The following IKBKB variants were observed in gnomAD, a reference collection of about 807,000 sequenced individuals.
IKBKB encodes the protein inhibitor of nuclear factor kappa-B kinase subunit beta.
Under a neutral mutation model 113.6 loss-of-function variants are expected in IKBKB, and 42 were observed. The ratio of observed to expected loss-of-function variants is 0.37; its 90% confidence interval spans 0.29 to 0.48. IKBKB has a LOEUF of 0.48. Ranked by LOEUF, IKBKB falls within the 20% of genes least tolerant of loss-of-function variation. The pLI, the probability that IKBKB is intolerant of heterozygous loss-of-function variation, is 0.99. For missense variants in IKBKB, 673 were observed against 939.7 expected, an observed-to-expected ratio of 0.72 and a Z score of 3.71; for synonymous variants, 296 against 361.3, an observed-to-expected ratio of 0.82 and a Z score of 2.05.
rs1229065184 is a variant in IKBKB, at chr8:42,305,269, A to G, written c.471A>G (p.Glu157=). ...KPENIVLQQG[E]QRLIHKIIDL... ...AAAACATCGTCCTGCAGCAAGGAGA[A>G]CAGAGGGTAAGTGACCTCCTGGGAC... is the stretch of plus-strand genomic sequence containing the variant. The change falls in exon 6 of 22, where the codon GAA becomes GAG. Residue 157 remains glutamate, a synonymous_variant. Transcript: ENST00000520810. 6.2e-7 allele frequency: 1 copy of G among 1,609,996 alleles called. No individual in the cohort carries two copies. The highest frequency in any genetic ancestry group is 8.5e-7 in the Non-Finnish European group (1 of 1,176,498).
intron 4 of IKBKB, among the ~76,000 whole-genome samples, chr8:42,292,734 G>C (rs1489345772): frequency 1.3e-5 from 2 of 152,290 alleles, no homozygotes; most frequent in African/African-American, 4.8e-5. Flanking sequence ...TGACAGTCGA[G>C]GGGGCCAGGA....
intron 4 of IKBKB, among the ~76,000 whole-genome samples, chr8:42,291,514 C>T (rs994916554): frequency 3.9e-5 from 6 of 152,182 alleles, no homozygotes; most frequent in Non-Finnish European, 7.3e-5. Context: ...AAAAAGAGGT[C>T]GGTTGCTCTG....
At chr8:42,288,550 C>A in intron 2 of IKBKB, 84 bp from the exon 3 acceptor site, 2 of 1,012,912 alleles carry the variant, frequency 2.0e-6, no homozygotes, top group Non-Finnish European at 1.5e-6. Flanking sequence ...ACGCTTGGGG[C>A]CTGGAGACCC....
Position 42,329,355 on chromosome 8 carries a change from C to T in IKBKB, c.2205+141C>T, listed in dbSNP as rs1475446085. ...CTTGTTTATTTGTGACAGGGTCTCT[C>T]TCTCTCACCCAGGCTGGAGTGCAGT... On this transcript the variant is annotated intron_variant, in intron 21 of 21. Coordinates refer to ENST00000520810, the MANE Select transcript of IKBKB (RefSeq NM_001556.3). 20 of 1,274,478 alleles carry T rather than the reference C, an allele frequency of 1.6e-5. No homozygotes were observed. The East Asian group carries it at 4.8e-4, about 31-fold the overall frequency. 78.9% of individuals were successfully genotyped at this position (1,274,478 alleles called of 1,614,324 possible).
chr8:42,314,106 ACCCTGG>A (rs1365920918), intron 8 of IKBKB: 1 of 548,460 alleles, frequency 1.8e-6, no homozygotes, highest in African/African-American at 1.9e-5. Context: ...CCATTGTGTT[ACCCTGG>A]CCTACAGTAT....
chr8:42,313,127 T>C (rs1563347237), intron 8 of IKBKB, among the ~76,000 whole-genome samples: 1 of 152,210 alleles, frequency 6.6e-6, no homozygotes, highest in Non-Finnish European at 1.5e-5. Flanking sequence ...ACTCTTCTTA[T>C]TACCAAGATT....
intron 12 of IKBKB, 135 bp downstream of exon 12, chr8:42,317,906 C>A (rs1818995015): frequency 1.5e-6 from 1 of 678,132 alleles, no homozygotes; most frequent in East Asian, 2.7e-5. Flanking sequence ...GGGCAGCCTT[C>A]CTTATTTAGG....
intron 1 of IKBKB, 42 bp from the exon 2 acceptor site, chr8:42,272,041 T>G: frequency 6.4e-7 from 1 of 1,570,916 alleles, no homozygotes; most frequent in African/African-American, 1.4e-5. Context: ...TCCATTTTTT[T>G]CTTAATCCTA....
At chr8:42,280,433 G>T (rs1178618350) in intron 2 of IKBKB, among the ~76,000 whole-genome samples, 1 of 152,156 alleles carries the variant, frequency 6.6e-6, no homozygotes, top group African/African-American at 2.4e-5. Context: ...AGGAAGAGGA[G>T]GAGGAGATAA....
chr8:42,271,432 C>G lies in IKBKB; in HGVS notation c.-56C>G. ...CGCCCCAGCCCCGCCTTCCCCGCCC[C>G]GGGGAGCCCGCCCCCTGCCCCGCGT... On this transcript the variant is annotated 5_prime_UTR_variant, in exon 1 of 22. Coordinates refer to ENST00000520810, the MANE Select transcript of IKBKB (RefSeq NM_001556.3). The G allele has an allele frequency of 1.4e-6, 2 of 1,481,016 alleles. No homozygotes were observed. Among genetic ancestry groups the G allele is most frequent in the Non-Finnish European group, 1.8e-6 (2 of 1,100,888 alleles). 91.7% of individuals were successfully genotyped at this position (1,481,016 alleles called of 1,614,324 possible).
chr8:42,275,405 G>A (rs1189709682), intron 2 of IKBKB, among the ~76,000 whole-genome samples: 2 of 151,868 alleles, frequency 1.3e-5, no homozygotes, highest in African/African-American at 2.4e-5. Context: ...GGCTGGTCTC[G>A]AATTCCTGGA....
At chr8:42,285,682 G>A (rs1811276045) in intron 2 of IKBKB, among the ~76,000 whole-genome samples, 1 of 152,220 alleles carries the variant, frequency 6.6e-6, no homozygotes, top group Admixed American at 6.5e-5. Context: ...GGATACTTAG[G>A]GCAGAACCTG....
chr8:42,312,047 T>C (rs955307188), intron 8 of IKBKB, among the ~76,000 whole-genome samples: 1 of 152,088 alleles, frequency 6.6e-6, no homozygotes, highest in Non-Finnish European at 1.5e-5. Flanking sequence ...CCACCACGCC[T>C]GGCTAATTTT....
chr8:42,281,710 T>A (rs1392353718), intron 2 of IKBKB, among the ~76,000 whole-genome samples: 6 of 152,158 alleles, frequency 3.9e-5, no homozygotes, highest in Non-Finnish European at 2.9e-5. Flanking sequence ...GTCTCTCTGG[T>A]CCCAGCCCTG....
chr8:42,293,785 T>C (rs1309710683), intron 5 of IKBKB, among the ~76,000 whole-genome samples: 3 of 152,238 alleles, frequency 2.0e-5, no homozygotes, highest in African/African-American at 7.2e-5. Context: ...TTTCCCATTA[T>C]AAAGCTCCCC....
chr8:42,286,803 C>T (rs532405644), intron 2 of IKBKB, among the ~76,000 whole-genome samples: 6 of 152,322 alleles, frequency 3.9e-5, no homozygotes, highest in Admixed American at 1.3e-4. Flanking sequence ...AACAGGGCCT[C>T]TAGGACATCC....
chr8:42,317,102 T>A, intron 11 of IKBKB, 198 bp downstream of exon 11: 1 of 659,506 alleles, frequency 1.5e-6, no homozygotes, highest in Non-Finnish European at 2.8e-6. Flanking sequence ...TTGCTGGACT[T>A]GTTACTTCCA....
chr8:42,272,235 C>G (rs200284276), intron 2 of IKBKB, 30 bp downstream of exon 2: 1 of 1,613,720 alleles, frequency 6.2e-7, no homozygotes, highest in African/African-American at 1.3e-5. Flanking sequence ...TGGGGAGGGG[C>G]GGGGAGCCAG....
At chr8:42,307,741 A>G (rs1816823813) in intron 7 of IKBKB, among the ~76,000 whole-genome samples, 1 of 151,420 alleles carries the variant, frequency 6.6e-6, no homozygotes, top group South Asian at 2.1e-4. Context: ...AGCAAGGGGG[A>G]CCCCATGCTC....
Sources: allele counts gnomAD v4.1 joint callset (sites outside exome capture counted in the v4.1 genomes callset), GRCh38; gene constraint gnomAD v4.1.1; transcripts MANE v1.5; gene names NCBI Gene and HGNC (gene_info 2026-07-23, HGNC 2026-07-21).